ZNF469: variants seen among roughly 807,000 people sequenced by gnomAD.
ZNF469 encodes the protein zinc finger protein 469.
A neutral mutation model predicts 1.0 loss-of-function variants in ZNF469; 1 was observed. That is an observed-to-expected ratio of 1.00 (90% CI 0.35 to 4.73). The LOEUF (loss-of-function observed/expected upper bound fraction) is 4.73, where lower values mean the gene tolerates loss of function less well. ZNF469 is among the 30% of genes most tolerant of loss of function. The probability of loss-of-function intolerance (pLI) is 0.16; values close to 1 mark genes in which losing one functional copy is unlikely to be tolerated. For missense variants in ZNF469, 6,100 were observed against 5,356.3 expected, an observed-to-expected ratio of 1.14 and a Z score of -4.33; for synonymous variants, 2,703 against 2,363.4, an observed-to-expected ratio of 1.14 and a Z score of -4.17.
At chr16:88,279,969 G>A in the ZNF469 span, among the ~76,000 whole-genome samples, 45 of 147,006 alleles carry the variant, frequency 3.1e-4, 1 homozygote, top group African/African-American at 1.0e-3. Flanking sequence ...GCTGACACTC[G>A]GTCAGTACCA....
At chr16:88,258,495 G>A in the ZNF469 span, among the ~76,000 whole-genome samples, 1 of 148,912 alleles carries the variant, frequency 6.7e-6, no homozygotes, top group Non-Finnish European at 1.5e-5. Context: ...ATCGGCTAAA[G>A]GAGGCCCAGC....
At chr16:88,224,737 G>C in the ZNF469 span, among the ~76,000 whole-genome samples, 1 of 151,958 alleles carries the variant, frequency 6.6e-6, no homozygotes, top group East Asian at 1.9e-4. Flanking sequence ...GTGTAAGTAC[G>C]TACATATGTA....
the ZNF469 span, among the ~76,000 whole-genome samples, chr16:88,211,506 G>A: frequency 3.3e-5 from 5 of 152,126 alleles, no homozygotes; most frequent in African/African-American, 9.6e-5. Context: ...TATTCCGAAC[G>A]TTGTTACTGA....
the ZNF469 span, among the ~76,000 whole-genome samples, chr16:88,285,578 AC>A: frequency 6.6e-6 from 1 of 152,234 alleles, no homozygotes; most frequent in African/African-American, 2.4e-5. Flanking sequence ...CCCGAGGCCC[AC>A]CTGTGGCCCA....
At chr16:88,297,596 G>A in the ZNF469 span, among the ~76,000 whole-genome samples, 426 of 152,216 alleles carry the variant, frequency 2.8e-3, 2 homozygotes, top group African/African-American at 9.3e-3. Flanking sequence ...AGACCCCTCC[G>A]TGGGATGGGA....
the ZNF469 span, among the ~76,000 whole-genome samples, chr16:88,249,288 C>T: frequency 6.6e-6 from 1 of 151,918 alleles, no homozygotes; most frequent in East Asian, 1.9e-4. Flanking sequence ...AGTGCAGGGC[C>T]ACAATCATAC....
the ZNF469 span, among the ~76,000 whole-genome samples, chr16:88,354,336 C>T: frequency 1.1e-4 from 16 of 152,322 alleles, no homozygotes; most frequent in Admixed American, 2.0e-4. Flanking sequence ...GGTAGGAGGG[C>T]TTCTGGCAGC....
the ZNF469 span, among the ~76,000 whole-genome samples, chr16:88,121,377 C>T: frequency 6.6e-6 from 1 of 152,210 alleles, no homozygotes; most frequent in Admixed American, 6.5e-5. Context: ...AAGAGAGAAA[C>T]TAAGCCGCTG....
chr16:88,163,920 G>A, the ZNF469 span, among the ~76,000 whole-genome samples: 1 of 111,386 alleles, frequency 9.0e-6, no homozygotes, highest in Non-Finnish European at 1.9e-5. Context: ...GGATGGATGA[G>A]TGGGTGGATG....
the ZNF469 span, among the ~76,000 whole-genome samples, chr16:88,295,508 G>A: frequency 1.3e-5 from 2 of 152,178 alleles, no homozygotes; most frequent in East Asian, 1.9e-4. Context: ...AGGGCTCAGG[G>A]TCTGGAGAGG....
chr16:88,167,473 C>G, the ZNF469 span, among the ~76,000 whole-genome samples: 1 of 152,216 alleles, frequency 6.6e-6, no homozygotes, highest in Non-Finnish European at 1.5e-5. Context: ...CACCTGGCAC[C>G]TGCACTGCAG....
chr16:88,163,928 A>G, the ZNF469 span, among the ~76,000 whole-genome samples: 2 of 143,052 alleles, frequency 1.4e-5, no homozygotes, highest in Non-Finnish European at 3.1e-5. Context: ...GAGTGGGTGG[A>G]TGGATGAATG....
chr16:88,275,954 C>T, the ZNF469 span, among the ~76,000 whole-genome samples: 1 of 152,166 alleles, frequency 6.6e-6, no homozygotes, highest in Admixed American at 6.5e-5. Context: ...GGAACAGGCC[C>T]ATAAAGTGCA....
At chr16:88,252,242 C>T in the ZNF469 span, among the ~76,000 whole-genome samples, 4 of 143,896 alleles carry the variant, frequency 2.8e-5, no homozygotes, top group South Asian at 8.8e-4. Context: ...TCTGCATATG[C>T]ACAGTCTAAT....
the ZNF469 span, among the ~76,000 whole-genome samples, chr16:88,112,225 G>A: frequency 5.9e-5 from 9 of 152,174 alleles, no homozygotes; most frequent in Non-Finnish European, 1.3e-4. Flanking sequence ...ATCCCTTGAG[G>A]TCAGGAGTTC....
intron 1 of ZNF469, among the ~76,000 whole-genome samples, chr16:88,399,992 A>G (rs1904809020): frequency 6.6e-6 from 1 of 152,202 alleles, no homozygotes; most frequent in Admixed American, 6.5e-5. Context: ...TGGACTCCTC[A>G]TTGGGAAAAT....
the ZNF469 span, among the ~76,000 whole-genome samples, chr16:88,240,054 C>T: frequency 6.0e-5 from 9 of 150,606 alleles, no homozygotes; most frequent in East Asian, 1.8e-3. Flanking sequence ...GATCCTCCTG[C>T]CCAGAGAAGA....
the ZNF469 span, among the ~76,000 whole-genome samples, chr16:88,291,552 G>T: frequency 6.6e-6 from 1 of 152,148 alleles, no homozygotes; most frequent in African/African-American, 2.4e-5. Context: ...CACGCGGCTT[G>T]CCTGATGTCT....
chr16:88,138,766 T>A, the ZNF469 span, among the ~76,000 whole-genome samples: 1 of 152,242 alleles, frequency 6.6e-6, no homozygotes, highest in African/African-American at 2.4e-5. Context: ...TTATTCCTAA[T>A]GGAAACACAT....
Sources: allele counts gnomAD v4.1 joint callset (sites outside exome capture counted in the v4.1 genomes callset), GRCh38; gene constraint gnomAD v4.1.1; transcripts MANE v1.5; gene names NCBI Gene and HGNC (gene_info 2026-07-23, HGNC 2026-07-21).